Variants in MLXIPL observed in about 807,000 individuals in gnomAD.
MLXIPL encodes MLX interacting protein like.
In MLXIPL, 49 loss-of-function variants were observed where a neutral mutation model predicts 81.5. The ratio of observed to expected loss-of-function variants is 0.60; its 90% CI spans 0.48 to 0.76. The LOEUF is 0.76. Ranked by LOEUF, MLXIPL falls within the 30% of genes least tolerant of loss-of-function variation. MLXIPL has a pLI of 0.00. For synonymous variants in MLXIPL, 466 were observed against 485.5 expected, an observed-to-expected ratio of 0.96 and a Z score of 0.53; for missense variants, 1,053 against 1,167.0, an observed-to-expected ratio of 0.90 and a Z score of 1.42.
the MLXIPL span, among the ~76,000 whole-genome samples, chr7:73,640,726 A>G: frequency 6.7e-6 from 1 of 150,276 alleles, no homozygotes; most frequent in African/African-American, 2.5e-5. Flanking sequence ...GCAGTGAGCC[A>G]AGATTGCACC....
rs1554603051 is a variant in MLXIPL, at chr7:73,624,316, G to A, written c.177C>T (p.Ser59=). 6.3e-7 allele frequency: 1 copy of A among 1,587,076 alleles called. No homozygotes were observed. The highest frequency in any genetic ancestry group is 8.6e-7 in the Non-Finnish European group (1 of 1,168,976). ...SGHFMVSSPH[S]DSLPRRRDQE... is the part of the protein sequence containing the mutation. ...GGTCGCGCCGCCGGGGCAGCGAGTC[G>A]CTGTGCGGCGACGACACCATGAAGT... Residue 59 remains serine (S), a synonymous_variant, in exon 1 of 17, where the codon AGC becomes AGT. Coordinates refer to ENST00000313375, the MANE Select transcript of MLXIPL (RefSeq NM_032951.3).
rs782276575 is a variant in MLXIPL, at chr7:73,597,189, G to C, written c.1596C>G (p.Leu532=). The C allele has an allele frequency of 6.2e-7, 1 of 1,603,634 alleles. No homozygotes were observed. Among genetic ancestry groups the C allele is most frequent in the Non-Finnish European group, 8.5e-7 (1 of 1,177,638 alleles). Residue 532 remains leucine (L), a synonymous_variant, in exon 9 of 17, where the codon CTC becomes CTG. Transcript: ENST00000313375. ...CCCGTTGCTGGCCCTCACCTGCTGT[G>C]AGCAGCTGTGTGAGGCAGGGGTTGT... ...GSNNPCLTQL[L]TAAKPEQALE...
intron 1 of MLXIPL, 37 bp downstream of exon 1, chr7:73,624,163 G>C: frequency 7.0e-7 from 1 of 1,434,668 alleles, no homozygotes; most frequent in Non-Finnish European, 9.3e-7. Flanking sequence ...ATCCCCACCT[G>C]GAAGCCAAGG....
Position 73,607,381 on chromosome 7 carries a change from C to CTACTG in MLXIPL, c.522_523insCAGTA (p.Glu175GlnfsTer2), listed in dbSNP as rs1584115038. 1.9e-6 allele frequency: 3 copies of CTACTG among 1,564,796 alleles called. No homozygotes were observed. On this transcript the variant is annotated frameshift_variant, in exon 4 of 17. Coordinates refer to ENST00000313375, the MANE Select transcript of MLXIPL (RefSeq NM_032951.3). LOFTEE classifies it high-confidence loss of function. ...TTGTGGTATTCCCGCATCACCACCT[C>CTACTG]GATGCGCCGCTTCCAGTAGTTCCCC...
the MLXIPL span, among the ~76,000 whole-genome samples, chr7:73,629,974 TTTTA>T: frequency 0.61 from 87,561 of 142,886 alleles, 26,897 homozygotes; most frequent in South Asian, 0.74. Flanking sequence ...TTTTTATTAT[TTTTA>T]TTTATTTATT....
intron 1 of MLXIPL, among the ~76,000 whole-genome samples, chr7:73,621,396 G>A (rs1796336791): frequency 6.6e-6 from 1 of 151,182 alleles, no homozygotes. Flanking sequence ...GCCTCTGCAG[G>A]CTGGTCTCTG....
chr7:73,599,417 A>G (rs1213278259), intron 8 of MLXIPL, 109 bp downstream of exon 8: 2 of 1,376,832 alleles, frequency 1.5e-6, no homozygotes, highest in Non-Finnish European at 1.0e-6. Flanking sequence ...CCAATCTCCA[A>G]GCAGAAGACT....
intron 7 of MLXIPL, among the ~76,000 whole-genome samples, chr7:73,601,656 G>A (rs77242351): frequency 0.025 from 3,790 of 152,148 alleles, 196 homozygotes; most frequent in African/African-American, 0.087. Flanking sequence ...TCGGCTTCCC[G>A]AGTAGCTGGG....
At chr7:73,625,107 CCAAGAGGTTGAGGCTG>C (rs1554603474), upstream of MLXIPL, among the ~76,000 whole-genome samples, 1 of 152,142 alleles carries the variant, frequency 6.6e-6, no homozygotes, top group African/African-American at 2.4e-5. Context: ...TCGCTTGAGA[CCAAGAGGTTGAGGCTG>C]CAGTGAGCGG....
At chr7:73,615,970 C>T (rs1795983797) in intron 2 of MLXIPL, 101 bp downstream of exon 2, 1 of 918,870 alleles carries the variant, frequency 1.1e-6, no homozygotes, top group South Asian at 1.3e-5. Context: ...GCCTTGAGGA[C>T]CCCGGGGATT....
Position 73,607,436 on chromosome 7 carries a change from G to A in MLXIPL, c.484-16C>T, listed in dbSNP as rs1242845720. The A allele has an allele frequency of 1.3e-6, 2 of 1,549,658 alleles. No homozygotes were observed. Among genetic ancestry groups the A allele is most frequent in the Non-Finnish European group, 1.7e-6 (2 of 1,145,042 alleles). ...GGACCACGGCCTGGGGTAGGGGCCGGGGGAGGGGGATCAGTAGAGAGGGGA... is the reference window on the plus strand; with the variant it reads ...GGACCACGGCCTGGGGTAGGGGCCGAGGGAGGGGGATCAGTAGAGAGGGGA... On this transcript the variant is annotated splice_polypyrimidine_tract_variant and intron_variant, in intron 3 of 16. Transcript: ENST00000313375.
chr7:73,612,479 G>A (rs556534810), intron 2 of MLXIPL, among the ~76,000 whole-genome samples: 1 of 151,758 alleles, frequency 6.6e-6, no homozygotes, highest in African/African-American at 2.4e-5. Flanking sequence ...TGTCTCTACC[G>A]AAAATACAAA....
chr7:73,627,218 C>G (rs1332816996), upstream of MLXIPL, among the ~76,000 whole-genome samples: 3 of 151,740 alleles, frequency 2.0e-5, no homozygotes, highest in East Asian at 3.9e-4. Context: ...GGGGCTCTGC[C>G]CTGCTTCAGA....
At chr7:73,614,077 A>C (rs1265203481) in intron 2 of MLXIPL, among the ~76,000 whole-genome samples, 4 of 152,240 alleles carry the variant, frequency 2.6e-5, no homozygotes, top group Admixed American at 2.0e-4. Context: ...GACAATACAA[A>C]GTGGAAAGTT....
Position 73,595,884 on chromosome 7 carries a change from T to TG in MLXIPL, c.2143dup (p.Gln715ProfsTer6). On this transcript the variant is annotated frameshift_variant, in exon 14 of 17. Transcript: ENST00000313375. LOFTEE classifies it high-confidence loss of function. ...CTCCTCAATCTCATCCCGCAGCTGCTGGGCCTCCTCCTGCAAGCCCGCACG... is the reference window on the plus strand; with the variant it reads ...CTCCTCAATCTCATCCCGCAGCTGCTGGGGCCTCCTCCTGCAAGCCCGCACG... The TG allele has an allele frequency of 6.2e-7, 1 of 1,612,558 alleles. No individual in the cohort carries two copies.
At chr7:73,638,350 G>T in the MLXIPL span, among the ~76,000 whole-genome samples, 1 of 152,156 alleles carries the variant, frequency 6.6e-6, no homozygotes, top group Non-Finnish European at 1.5e-5. Context: ...TGTCACCCAG[G>T]CTGGAATGCA....
chr7:73,645,612 AT>A, the MLXIPL span, among the ~76,000 whole-genome samples: 1 of 152,262 alleles, frequency 6.6e-6, no homozygotes, highest in South Asian at 2.1e-4. Flanking sequence ...TTCTCCCTGA[AT>A]GCAGAGAATG....
At chr7:73,606,422 CTTTTTCT>C (rs1286940924) in intron 5 of MLXIPL, 10 of 445,014 alleles carry the variant, frequency 2.2e-5, no homozygotes, top group African/African-American at 1.5e-4. Flanking sequence ...TTTTCTTTTT[CTTTTTCT>C]TTTTTTTTTT....
intron 1 of MLXIPL, among the ~76,000 whole-genome samples, chr7:73,622,138 A>G (rs1554602405): frequency 1.4e-5 from 2 of 142,194 alleles, no homozygotes; most frequent in East Asian, 4.3e-4. Context: ...TGATCCTCCC[A>G]CCTCAGACTC....
Sources: allele counts gnomAD v4.1 joint callset (sites outside exome capture counted in the v4.1 genomes callset), GRCh38; gene constraint gnomAD v4.1.1; transcripts MANE v1.5; gene names NCBI Gene and HGNC (gene_info 2026-07-23, HGNC 2026-07-21).